The following SCNN1B variants were observed in gnomAD, a reference collection of about 807,000 sequenced individuals.
SCNN1B encodes the protein sodium channel epithelial 1 subunit beta.
Under a neutral mutation model 65.3 loss-of-function variants are expected in SCNN1B, and 46 were observed. That is an observed-to-expected ratio of 0.70 (90% CI 0.56 to 0.90). The LOEUF is 0.90. Among genes scored for constraint, SCNN1B ranks in the 40% least tolerant of loss-of-function variants. The pLI, the probability that SCNN1B is intolerant of heterozygous loss-of-function variation, is 0.00. For synonymous variants in SCNN1B, 349 were observed against 330.6 expected (o/e 1.06, Z -0.60); for missense variants, 751 against 830.5 (o/e 0.90, Z 1.18).
At chr16:23,339,549 C>A (rs746872482) in intron 1 of SCNN1B, among the ~76,000 whole-genome samples, 1 of 151,194 alleles carries the variant, frequency 6.6e-6, no homozygotes, top group Non-Finnish European at 1.5e-5. Flanking sequence ...CACCTGGCAT[C>A]CTTAACTTAT....
Position 23,357,089 on chromosome 16 carries a change from T to C in SCNN1B, c.776+1600T>C, listed in dbSNP as rs1962436462. On this transcript the variant is annotated intron_variant, in intron 4 of 12. Transcript: ENST00000343070. ...TTTCTGAGATTCGATGGTATCCTCC[T>C]TGATCTGGGGCCTCCAATGCTCACA... Among the ~76,000 whole-genome samples, 3 of 152,238 alleles carry C rather than the reference T, an allele frequency of 2.0e-5. No individual in the cohort carries two copies. In the South Asian group the frequency reaches 6.2e-4, roughly 31 times the overall value.
At chr16:23,360,975 T>C (rs1336017170) in intron 4 of SCNN1B, among the ~76,000 whole-genome samples, 2 of 152,150 alleles carry the variant, frequency 1.3e-5, no homozygotes, top group South Asian at 2.1e-4. Context: ...TTTGTATTTT[T>C]AGTAGAGACA....
chr16:23,346,930 T>C (rs1279973729), intron 1 of SCNN1B, among the ~76,000 whole-genome samples: 5 of 152,044 alleles, frequency 3.3e-5, no homozygotes, highest in Admixed American at 3.3e-4. Flanking sequence ...CCCCATTTTA[T>C]GGATGAGGAA....
chr16:23,318,866 C>T (rs911101190), intron 1 of SCNN1B, among the ~76,000 whole-genome samples: 1 of 152,218 alleles, frequency 6.6e-6, no homozygotes, highest in Non-Finnish European at 1.5e-5. Context: ...AACCTGAAGT[C>T]TTTGGCCTAG....
chr16:23,312,161 G>T (rs114972951), intron 1 of SCNN1B, among the ~76,000 whole-genome samples: 2 of 152,028 alleles, frequency 1.3e-5, no homozygotes, highest in Admixed American at 1.3e-4. Flanking sequence ...TTGTAGACAG[G>T]GTCTCACTAT....
intron 1 of SCNN1B, among the ~76,000 whole-genome samples, chr16:23,309,303 C>A (rs1961287775): frequency 6.6e-6 from 1 of 152,092 alleles, no homozygotes; most frequent in African/African-American, 2.4e-5. Flanking sequence ...AAGACTGCCC[C>A]TGACAGCTGA....
intron 3 of SCNN1B, among the ~76,000 whole-genome samples, chr16:23,354,026 G>T (rs1962366035): frequency 6.6e-6 from 1 of 152,148 alleles, no homozygotes; most frequent in African/African-American, 2.4e-5. Flanking sequence ...TCCAGGAGGG[G>T]ACCATACACT....
chr16:23,367,656 G>A (rs1962697009), intron 4 of SCNN1B, among the ~76,000 whole-genome samples, 200 bp from the exon 5 acceptor site: 1 of 152,208 alleles, frequency 6.6e-6, no homozygotes, highest in South Asian at 2.1e-4. Flanking sequence ...CAACTCCAGA[G>A]AAACTCTCTT....
intron 1 of SCNN1B, among the ~76,000 whole-genome samples, chr16:23,320,412 G>T (rs1961562785): frequency 6.6e-6 from 1 of 152,172 alleles, no homozygotes; most frequent in Non-Finnish European, 1.5e-5. Flanking sequence ...CCCAAGGGTT[G>T]GGGGGCCCCG....
chr16:23,309,328 C>G lies in SCNN1B; in HGVS notation c.-9+6891C>G, dbSNP rs564252156. Among the ~76,000 whole-genome samples, 3 of 152,104 alleles carry G rather than the reference C, an allele frequency of 2.0e-5. No individual in the cohort carries two copies. In the South Asian group the frequency reaches 6.2e-4, roughly 32 times the overall value. ...CTGACAGCTGAAGACCTGCTCCCAC[C>G]CCACTATAACTGTATTAGTTAGGGT... On this transcript the variant is annotated intron_variant, in intron 1 of 12. Coordinates refer to ENST00000343070, the MANE Select transcript of SCNN1B (RefSeq NM_000336.3).
chr16:23,325,457 G>A (rs933656832), intron 1 of SCNN1B, among the ~76,000 whole-genome samples: 1 of 151,484 alleles, frequency 6.6e-6, no homozygotes, highest in African/African-American at 2.4e-5. Flanking sequence ...AGTAGAGACG[G>A]GATTTCACCA....
chr16:23,371,761 C>T lies in SCNN1B; in HGVS notation c.1045-15C>T, dbSNP rs373477307. ...GGTGACCAGTGTCCCCCTCAAGCAA[C>T]CCCTCTAAACACAGGACAAGCTTCA... is the stretch of plus-strand genomic sequence containing the variant. On this transcript the variant is annotated splice_polypyrimidine_tract_variant and intron_variant, in intron 6 of 12. Coordinates refer to ENST00000343070, the MANE Select transcript of SCNN1B (RefSeq NM_000336.3). 3 of 1,603,982 alleles carry T rather than the reference C, an allele frequency of 1.9e-6. No individual in the cohort carries two copies. The highest frequency in any genetic ancestry group is 2.6e-6 in the Non-Finnish European group (3 of 1,170,694).
chr16:23,317,785 G>A (rs1252561324), intron 1 of SCNN1B, among the ~76,000 whole-genome samples: 1 of 152,222 alleles, frequency 6.6e-6, no homozygotes, highest in Non-Finnish European at 1.5e-5. Flanking sequence ...AGGGAATCCT[G>A]AGTGTCTTGC....
chr16:23,307,823 G>A (rs1242467341), intron 1 of SCNN1B, among the ~76,000 whole-genome samples: 1 of 152,196 alleles, frequency 6.6e-6, no homozygotes, highest in Non-Finnish European at 1.5e-5. Context: ...GCTGAGGCAG[G>A]AGGACCACTT....
At chr16:23,296,545 T>G (rs541858044) in intron 2 of SCNN1B, among the ~76,000 whole-genome samples, 1 of 152,122 alleles carries the variant, frequency 6.6e-6, no homozygotes, top group African/African-American at 2.4e-5. Context: ...GGCAAGTTCC[T>G]TGACACCTCC....
At chr16:23,330,449 G>A (rs1961788177) in intron 1 of SCNN1B, among the ~76,000 whole-genome samples, 1 of 152,218 alleles carries the variant, frequency 6.6e-6, no homozygotes, top group Non-Finnish European at 1.5e-5. Context: ...GGCCAGACAG[G>A]ATTCTGAGGG....
intron 1 of SCNN1B, among the ~76,000 whole-genome samples, chr16:23,332,298 C>T (rs867053858): frequency 6.6e-6 from 1 of 151,814 alleles, no homozygotes; most frequent in Non-Finnish European, 1.5e-5. Flanking sequence ...CGAGTTCAAG[C>T]GATTCTCCTG....
chr16:23,295,272 G>A (rs1960979730), intron 2 of SCNN1B, among the ~76,000 whole-genome samples: 1 of 151,978 alleles, frequency 6.6e-6, no homozygotes, highest in African/African-American at 2.4e-5. Context: ...AGGTTGGAGT[G>A]CAGTGGTGTG....
intron 10 of SCNN1B, among the ~76,000 whole-genome samples, chr16:23,377,652 CCTT>C (rs1277691400): frequency 2.7e-5 from 4 of 148,504 alleles, no homozygotes; most frequent in Non-Finnish European, 4.4e-5. Flanking sequence ...TTCCTCCCTC[CCTT>C]CTTCTTTCCT....
Sources: allele counts gnomAD v4.1 joint callset (sites outside exome capture counted in the v4.1 genomes callset), GRCh38; gene constraint gnomAD v4.1.1; transcripts MANE v1.5; gene names NCBI Gene and HGNC (gene_info 2026-07-23, HGNC 2026-07-21).